Variants in STOX2 observed in about 807,000 individuals in gnomAD.
STOX2 encodes storkhead-box protein 2.
In STOX2, 28 loss-of-function variants were observed where a neutral mutation model predicts 60.9. The ratio of observed to expected loss-of-function variants is 0.46; its 90% CI spans 0.34 to 0.63. The LOEUF (loss-of-function observed/expected upper bound fraction) is 0.63. STOX2 is among the 30% of genes least tolerant of loss of function. STOX2 has a pLI of 0.01. For missense variants in STOX2, 1,024 were observed against 1,187.7 expected (o/e 0.86, Z 2.03); for synonymous variants, 472 against 463.9 (o/e 1.02, Z -0.22).
In STOX2 at chr4:184,009,136, G is replaced by GTTTTTT. The variant is rs34402224; in HGVS notation, c.320-9_320-4dup. On this transcript the variant is annotated intron_variant, in intron 2 of 3. Transcript: ENST00000308497. This position sits in a 1 kb window ranked among gnomAD's most constrained non-coding sequence, Gnocchi z 4.0. ...TGTTCTGTCTTCATTCTCACAAGTG[G>GTTTTTT]TTTTTTTTTTTTTTTTTTCAGGTGT... The GTTTTTT allele has an allele frequency of 8.5e-5, 61 of 716,600 alleles. No individual in the cohort carries two copies. The highest frequency in any genetic ancestry group is 2.4e-4 in the South Asian group (11 of 45,930). The allele number at this position is 716,600 out of a possible 1,614,324, so 44.4% of individuals were successfully genotyped here. A position where few individuals can be genotyped will look rare whatever the true frequency, so the allele number is the denominator to read the frequency against.
intron 1 of STOX2, among the ~76,000 whole-genome samples, chr4:183,999,759 C>G (rs1257822701): frequency 6.6e-6 from 1 of 152,158 alleles, no homozygotes; most frequent in Non-Finnish European, 1.5e-5. Flanking sequence ...ATCAAAGCAG[C>G]AAGTTTTTCC....
chr4:183,974,286 T>C (rs1210985819), intron 1 of STOX2, among the ~76,000 whole-genome samples: 2 of 151,368 alleles, frequency 1.3e-5, no homozygotes, highest in East Asian at 3.9e-4. Flanking sequence ...ATTCAAATAA[T>C]TCAAATAAAA....
Position 183,940,642 on chromosome 4 carries a change from T to G in STOX2, c.166+33686T>G, listed in dbSNP as rs147495527. Among the ~76,000 whole-genome samples, 220 of 152,348 alleles carry G rather than the reference T, an allele frequency of 1.4e-3. 1 individual carries two copies. The highest frequency in any genetic ancestry group is 4.9e-3 in the African/African-American group (202 of 41,572). The stretch of plus-strand genomic sequence containing the variant: ...AAACTCGAAGATAAGCCAAGTTGAT[T>G]GATCACTTGATGTTTGACAGAGGTC... On this transcript the variant is annotated intron_variant, in intron 1 of 3. Transcript: ENST00000308497.
At chr4:183,911,366 A>T (rs1411015144) in intron 1 of STOX2, among the ~76,000 whole-genome samples, 2 of 152,230 alleles carry the variant, frequency 1.3e-5, no homozygotes, top group Non-Finnish European at 2.9e-5. Flanking sequence ...GCAAGTTTTA[A>T]TAAAGAGCGT....
chr4:183,912,751 A>C (rs1741816818), intron 1 of STOX2, among the ~76,000 whole-genome samples: 1 of 152,196 alleles, frequency 6.6e-6, no homozygotes, highest in Admixed American at 6.5e-5. Context: ...CTATTTTGCC[A>C]GCAACCACAG....
rs1381801305 is a variant in STOX2 at position 184,020,194 on chromosome 4, C to A, written c.*2910C>A. 6.6e-6 allele frequency: 1 copy of A among 152,158 alleles called. No individual in the cohort carries two copies. The highest frequency in any genetic ancestry group is 1.5e-5 in the Non-Finnish European group (1 of 68,042). The allele number at this position is 152,158 out of a possible 1,614,324, so 9.4% of individuals were successfully genotyped here. On this transcript the variant is annotated 3_prime_UTR_variant, in exon 4 of 4. Coordinates refer to ENST00000308497, the MANE Select transcript of STOX2 (RefSeq NM_020225.3). ...CACTTCCTTCAACATTAGGGCATGGCGTGCTGTGTGTGTCAGTGATTGCCT... is the reference window on the plus strand; with the variant it reads ...CACTTCCTTCAACATTAGGGCATGGAGTGCTGTGTGTGTCAGTGATTGCCT...
intron 1 of STOX2, among the ~76,000 whole-genome samples, chr4:183,854,363 T>C (rs1740236606): frequency 6.6e-6 from 1 of 152,320 alleles, no homozygotes; most frequent in South Asian, 2.1e-4. Flanking sequence ...TTCTCTGCAG[T>C]TGAAACTCAT....
intron 1 of STOX2, among the ~76,000 whole-genome samples, chr4:183,839,023 G>GCGCA (rs1739783958): frequency 6.6e-6 from 1 of 150,482 alleles, no homozygotes; most frequent in Admixed American, 6.6e-5. Flanking sequence ...ACGCGCGCGC[G>GCGCA]CACACACACA....
intron 1 of STOX2, among the ~76,000 whole-genome samples, chr4:183,864,991 A>G (rs1740531173): frequency 6.6e-6 from 1 of 152,194 alleles, no homozygotes; most frequent in East Asian, 1.9e-4. Flanking sequence ...CTGCTCCGGT[A>G]TGAAAGATCA....
At chr4:183,922,321 AAC>A (rs1192309820) in intron 1 of STOX2, among the ~76,000 whole-genome samples, 1 of 151,796 alleles carries the variant, frequency 6.6e-6, no homozygotes, top group Non-Finnish European at 1.5e-5. Flanking sequence ...GTAAAAAAAA[AAC>A]ACATAATGCA....
chr4:183,914,608 G>A (rs1055730848), intron 1 of STOX2, among the ~76,000 whole-genome samples: 2 of 152,178 alleles, frequency 1.3e-5, no homozygotes, highest in Admixed American at 6.5e-5. Flanking sequence ...CAATAAAGGC[G>A]TATAAGTTGC....
rs373319537 is a variant in STOX2, at chr4:183,853,522, A to G, written c.364+55467A>G. On this transcript the variant is annotated intron_variant, in intron 1 of 2. Coordinates refer to the STOX2 transcript ENST00000513034. Reference sequence around the variant, plus strand: ...GCAGCCTGGAAACACACAACTTTAAATCTCTGGGCTGCTTAAGGAGATCCC... The same window carrying G: ...GCAGCCTGGAAACACACAACTTTAAGTCTCTGGGCTGCTTAAGGAGATCCC... The G allele has an allele frequency of 2.4e-4, 37 of 152,320 alleles. No homozygotes were observed. The East Asian group carries it at 3.3e-3, about 13-fold the overall frequency. 9.4% of individuals were successfully genotyped at this position (152,320 alleles called of 1,614,324 possible). A position where few individuals can be genotyped will look rare whatever the true frequency, so the allele number is the denominator to read the frequency against.
At position 183,856,780 on chromosome 4, in the gene STOX2, T is replaced by G. The variant is rs1323567797; in HGVS notation, c.364+58725T>G. 6.6e-6 allele frequency among the ~76,000 whole-genome samples: 1 copy of G among 152,262 alleles called. No homozygotes were observed. The highest frequency in any genetic ancestry group is 2.4e-5 in the African/African-American group (1 of 41,466). ...AAAATAGTCTTTTTTCAGTAGTGTC[T>G]GTTTAATAGTTACTGCATATATATT... On this transcript the variant is annotated intron_variant, in intron 1 of 2. Coordinates refer to the STOX2 transcript ENST00000513034. The surrounding 1 kb of genome is among the most constrained non-coding windows in gnomAD (Gnocchi z 4.0).
At chr4:183,995,734 G>A (rs998390020) in intron 1 of STOX2, among the ~76,000 whole-genome samples, 3 of 152,210 alleles carry the variant, frequency 2.0e-5, no homozygotes, top group Non-Finnish European at 4.4e-5. Flanking sequence ...CCTCGTCACC[G>A]TCAAGAATAA....
intron 1 of STOX2, among the ~76,000 whole-genome samples, chr4:183,920,773 G>C (rs977532692): frequency 1.4e-4 from 21 of 152,074 alleles, no homozygotes; most frequent in African/African-American, 5.1e-4. Flanking sequence ...ATGCCGTTGT[G>C]AGCTCCTTAG....
At chr4:183,958,958 T>C (rs1743336445) in intron 1 of STOX2, among the ~76,000 whole-genome samples, 1 of 152,168 alleles carries the variant, frequency 6.6e-6, no homozygotes, top group South Asian at 2.1e-4. Context: ...ACATTTGCAC[T>C]GTGCTTGAGG....
chr4:183,893,733 T>A (rs1741280150), intron 1 of STOX2, among the ~76,000 whole-genome samples: 1 of 152,216 alleles, frequency 6.6e-6, no homozygotes, highest in South Asian at 2.1e-4. Flanking sequence ...TAGATTTATT[T>A]GTTCCTCTTA....
At chr4:183,850,086 C>T (rs767163216) in intron 1 of STOX2, among the ~76,000 whole-genome samples, 28 of 152,108 alleles carry the variant, frequency 1.8e-4, no homozygotes, top group Non-Finnish European at 2.9e-4. Context: ...GCCTCAGCCT[C>T]ACAAGTAATT....
At chr4:183,945,829 C>T (rs1742871079) in intron 1 of STOX2, among the ~76,000 whole-genome samples, 1 of 152,192 alleles carries the variant, frequency 6.6e-6, no homozygotes, top group African/African-American at 2.4e-5. Context: ...TGCTGGGATA[C>T]ATCATTTCCT....
Sources: allele counts gnomAD v4.1 joint callset (sites outside exome capture counted in the v4.1 genomes callset), GRCh38; gene constraint gnomAD v4.1.1; non-coding constraint Gnocchi (gnomAD v3.1); transcripts MANE v1.5; gene names NCBI Gene and HGNC (gene_info 2026-07-23, HGNC 2026-07-21).